The following SHROOM3 variants were observed in gnomAD, a reference collection of about 807,000 sequenced individuals.
SHROOM3 encodes the protein protein Shroom3.
Under a neutral mutation model 138.6 loss-of-function variants are expected in SHROOM3, and 47 were observed. The ratio of observed to expected loss-of-function variants is 0.34; its 90% CI spans 0.27 to 0.43. The LOEUF (loss-of-function observed/expected upper bound fraction) is 0.43, where lower values mean the gene tolerates loss of function less well. Ranked by LOEUF, SHROOM3 falls within the 20% of genes least tolerant of loss-of-function variation. SHROOM3 has a pLI of 1.00. For synonymous variants in SHROOM3, 1,062 were observed against 1,063.3 expected (o/e 1.00, Z 0.02); for missense variants, 2,491 against 2,596.5 (o/e 0.96, Z 0.88).
At chr4:76,568,341 C>T (rs1384048509) in intron 2 of SHROOM3, among the ~76,000 whole-genome samples, 1 of 152,188 alleles carries the variant, frequency 6.6e-6, no homozygotes, top group Non-Finnish European at 1.5e-5. Flanking sequence ...AAATTGCTGT[C>T]TAAATCTTGG....
rs556475711 is a variant in SHROOM3 at position 76,553,225 on chromosome 4, C to A, written c.169-2384C>A. The stretch of plus-strand genomic sequence containing the variant: ...TGGACTGGAGTGGAGAGCAGTGATG[C>A]AATCTCGGCCCACTGCACCTCCACC... On this transcript the variant is annotated intron_variant, in intron 1 of 10. Coordinates refer to ENST00000296043, the MANE Select transcript of SHROOM3 (RefSeq NM_020859.4). Among the ~76,000 whole-genome samples, 6 of 152,208 alleles carry A rather than the reference C, an allele frequency of 3.9e-5. No homozygotes were observed. In the South Asian group the frequency reaches 1.2e-3, roughly 32 times the overall value.
At chr4:76,661,770 C>T (rs1736193657) in intron 2 of SHROOM3, among the ~76,000 whole-genome samples, 1 of 152,114 alleles carries the variant, frequency 6.6e-6, no homozygotes, top group Admixed American at 6.6e-5. Flanking sequence ...CATTGTTTAT[C>T]CATTCTCCTA....
At chr4:76,550,978 A>G (rs1055921930) in intron 1 of SHROOM3, among the ~76,000 whole-genome samples, 2 of 151,192 alleles carry the variant, frequency 1.3e-5, no homozygotes, top group Non-Finnish European at 2.9e-5. Context: ...CAGCTTGAGC[A>G]GCAGAGAGAG....
At chr4:76,496,024 TG>T (rs1198982759) in intron 1 of SHROOM3, among the ~76,000 whole-genome samples, 1 of 152,198 alleles carries the variant, frequency 6.6e-6, no homozygotes, top group African/African-American at 2.4e-5. Flanking sequence ...GTTCATACAA[TG>T]GAAGAATATG....
chr4:76,568,446 A>G (rs1733772155), intron 2 of SHROOM3, among the ~76,000 whole-genome samples: 1 of 152,156 alleles, frequency 6.6e-6, no homozygotes, highest in African/African-American at 2.4e-5. Flanking sequence ...CTATCCTTCT[A>G]TTCCCTATGG....
chr4:76,691,885 AG>A (rs1719563596), intron 2 of SHROOM3, among the ~76,000 whole-genome samples: 1 of 152,190 alleles, frequency 6.6e-6, no homozygotes, highest in Non-Finnish European at 1.5e-5. Context: ...GTTCTGTTCG[AG>A]GATGTTTCCC....
intron 3 of SHROOM3, among the ~76,000 whole-genome samples, chr4:76,718,285 A>G (rs1487548008): frequency 6.6e-6 from 1 of 152,100 alleles, no homozygotes; most frequent in Non-Finnish European, 1.5e-5. Flanking sequence ...TATTCTCCCA[A>G]AGTGTCAGCT....
At chr4:76,496,350 A>G (rs1393894717) in intron 1 of SHROOM3, among the ~76,000 whole-genome samples, 1 of 152,220 alleles carries the variant, frequency 6.6e-6, no homozygotes, top group East Asian at 1.9e-4. Flanking sequence ...CAGAGATGCC[A>G]TCACTTCCTG....
At chr4:76,713,652 GTAT>G (rs1720294058) in intron 3 of SHROOM3, among the ~76,000 whole-genome samples, 1 of 152,150 alleles carries the variant, frequency 6.6e-6, no homozygotes. Context: ...TTATTATAAA[GTAT>G]TATGTACTGT....
In SHROOM3 at chr4:76,739,951, G is replaced by T; in HGVS notation, c.1778G>T (p.Ser593Ile). The T allele has an allele frequency of 6.2e-7, 1 of 1,614,160 alleles. No individual in the cohort carries two copies. Among genetic ancestry groups the T allele is most frequent in the South Asian group, 1.1e-5 (1 of 91,088 alleles). The change falls in exon 5 of 11, where the codon AGT becomes ATT. Residue 593 changes from serine to isoleucine, a missense_variant. By Grantham distance (142) the Ser-to-Ile change is moderately radical. Coordinates refer to ENST00000296043, the MANE Select transcript of SHROOM3 (RefSeq NM_020859.4). ...PHSNERKSTH[S>I]NKPSSHPHSL... is the part of the protein sequence containing the mutation. Reference sequence around the variant, plus strand: ...TCCAATGAGAGAAAGAGCACCCACAGTAACAAACCATCTTCTCATCCCCAC... The same window carrying T: ...TCCAATGAGAGAAAGAGCACCCACATTAACAAACCATCTTCTCATCCCCAC...
At position 76,581,104 on chromosome 4, in the gene SHROOM3, A is replaced by G. The variant is rs541534961; in HGVS notation, c.323+25341A>G. Among the ~76,000 whole-genome samples the G allele has an allele frequency of 5.9e-5, 9 of 152,272 alleles. No individual in the cohort carries two copies. The East Asian group carries it at 7.7e-4, about 13-fold the overall frequency. On this transcript the variant is annotated intron_variant, in intron 2 of 10. Coordinates refer to ENST00000296043, the MANE Select transcript of SHROOM3 (RefSeq NM_020859.4). ...GAGGCTTTTTTTTTCATTCCTAAGA[A>G]TAAATTGTGAACCCAAATGTAACTC...
chr4:76,490,851 T>C (rs1731834455), intron 1 of SHROOM3, among the ~76,000 whole-genome samples: 2 of 151,706 alleles, frequency 1.3e-5, no homozygotes, highest in Admixed American at 6.6e-5. Flanking sequence ...CTCCATTTTA[T>C]GTGGGAAAGA....
intron 2 of SHROOM3, among the ~76,000 whole-genome samples, chr4:76,650,879 T>C (rs1296164197): frequency 6.6e-6 from 1 of 152,108 alleles, no homozygotes; most frequent in Non-Finnish European, 1.5e-5. Flanking sequence ...TGGAAGCAAC[T>C]TAAATGTCCA....
chr4:76,546,729 T>C (rs943166472), intron 1 of SHROOM3, among the ~76,000 whole-genome samples: 1 of 152,232 alleles, frequency 6.6e-6, no homozygotes, highest in African/African-American at 2.4e-5. Flanking sequence ...ATAGAGAGCA[T>C]ATTTTTCCTC....
In SHROOM3 at chr4:76,710,307, G is replaced by A; in HGVS notation, c.455+20G>A. On this transcript the variant is annotated intron_variant, in intron 3 of 10. Transcript: ENST00000296043. ...GCACAGGTAAGACGCACGGAAGTTG[G>A]TGCTGGCAGTTCGGAAAAAGAACCC... is the stretch of plus-strand genomic sequence containing the variant. 3.7e-6 allele frequency: 6 copies of A among 1,613,608 alleles called. No homozygotes were observed. The highest frequency in any genetic ancestry group is 5.1e-6 in the Non-Finnish European group (6 of 1,179,736).
intron 2 of SHROOM3, 110 bp from the exon 3 acceptor site, chr4:76,710,046 C>T: frequency 4.8e-6 from 7 of 1,456,522 alleles, no homozygotes; most frequent in Non-Finnish European, 6.7e-6. Flanking sequence ...TGCTGCTTTG[C>T]TCTGGCTCCG....
intron 10 of SHROOM3, among the ~76,000 whole-genome samples, chr4:76,774,475 T>C (rs1722473828): frequency 6.6e-6 from 1 of 151,988 alleles, no homozygotes; most frequent in African/African-American, 2.4e-5. Flanking sequence ...TTTAACTGAA[T>C]CTCTAAAAAA....
intron 9 of SHROOM3, among the ~76,000 whole-genome samples, chr4:76,765,442 G>C (rs1481796158): frequency 6.6e-6 from 1 of 152,050 alleles, no homozygotes; most frequent in African/African-American, 2.4e-5. Flanking sequence ...CACCTGAGCC[G>C]GGGGGTTGAG....
At chr4:76,540,086 G>A (rs1423947807) in intron 1 of SHROOM3, among the ~76,000 whole-genome samples, 1 of 152,206 alleles carries the variant, frequency 6.6e-6, no homozygotes, top group African/African-American at 2.4e-5. Flanking sequence ...GACCTGAGGT[G>A]ATCCACCCAC....
Sources: allele counts gnomAD v4.1 joint callset (sites outside exome capture counted in the v4.1 genomes callset), GRCh38; gene constraint gnomAD v4.1.1; transcripts MANE v1.5; gene names NCBI Gene and HGNC (gene_info 2026-07-23, HGNC 2026-07-21).